Variants in SYT1 observed in about 807,000 individuals in gnomAD.
SYT1 encodes synaptotagmin 1.
A neutral mutation model predicts 44.8 loss-of-function variants in SYT1; 8 were observed. The ratio of observed to expected loss-of-function variants is 0.18; its 90% CI spans 0.10 to 0.32. SYT1 has a LOEUF of 0.32. SYT1 is among the 10% of genes least tolerant of loss of function. The pLI, the probability that SYT1 is intolerant of heterozygous loss-of-function variation, is 1.00. For missense variants in SYT1, 286 were observed against 509.3 expected (o/e 0.56, Z 4.22); for synonymous variants, 154 against 188.8 (o/e 0.82, Z 1.51).
At chr12:79,282,073 T>G (rs1014495364) in intron 4 of SYT1, among the ~76,000 whole-genome samples, 1 of 152,208 alleles carries the variant, frequency 6.6e-6, no homozygotes, top group Non-Finnish European at 1.5e-5. Flanking sequence ...TCTTGGACTC[T>G]GACATTTCTG....
chr12:78,865,384 C>A (rs973118164), intron 1 of SYT1, among the ~76,000 whole-genome samples: 1 of 152,110 alleles, frequency 6.6e-6, no homozygotes, highest in Non-Finnish European at 1.5e-5. Flanking sequence ...CTCTCTCCTC[C>A]GTCCCCCACC....
intron 1 of SYT1, among the ~76,000 whole-genome samples, chr12:78,912,566 T>C (rs1469993384): frequency 6.6e-6 from 1 of 151,910 alleles, no homozygotes; most frequent in Non-Finnish European, 1.5e-5. Flanking sequence ...TTAGGAAGTG[T>C]ATATAAATGA....
chr12:78,951,229 A>C (rs1196266700), intron 1 of SYT1, among the ~76,000 whole-genome samples: 1 of 152,134 alleles, frequency 6.6e-6, no homozygotes, highest in South Asian at 2.1e-4. Flanking sequence ...TTGAGTAAAA[A>C]GCGTTCTTTA....
intron 9 of SYT1, among the ~76,000 whole-genome samples, chr12:79,431,813 G>A (rs1431217566): frequency 6.6e-6 from 1 of 152,184 alleles, no homozygotes; most frequent in Non-Finnish European, 1.5e-5. Flanking sequence ...AAAGTGCTGG[G>A]ATTACAGGCA....
At chr12:78,941,428 C>G (rs1427785078) in intron 1 of SYT1, among the ~76,000 whole-genome samples, 1 of 143,584 alleles carries the variant, frequency 7.0e-6, no homozygotes, top group Non-Finnish European at 1.6e-5. Flanking sequence ...CACACACACA[C>G]ACACACATTA....
intron 3 of SYT1, among the ~76,000 whole-genome samples, chr12:79,117,907 G>C (rs1370199888): frequency 2.6e-5 from 4 of 151,362 alleles, no homozygotes; most frequent in African/African-American, 9.7e-5. Context: ...TCCAGGGTTA[G>C]AGCCTAAATG....
chr12:79,044,746 C>T (rs1419191175), intron 2 of SYT1, among the ~76,000 whole-genome samples: 2 of 148,952 alleles, frequency 1.3e-5, no homozygotes, highest in Admixed American at 1.3e-4. Flanking sequence ...GTTTTTTCCC[C>T]ATCTTTGTGG....
intron 4 of SYT1, among the ~76,000 whole-genome samples, chr12:79,281,154 C>T (rs550293412): frequency 2.0e-5 from 3 of 152,130 alleles, no homozygotes; most frequent in South Asian, 4.2e-4. Flanking sequence ...TAATGGATAT[C>T]TACCCAAAGA....
At chr12:78,973,941 ATATATATATATATATATATATATATATAT>A (rs1868617445) in intron 1 of SYT1, among the ~76,000 whole-genome samples, 3 of 10,746 alleles carry the variant, frequency 2.8e-4, no homozygotes, top group Admixed American at 1.7e-3. Context: ...AAAAAAAAAT[ATATATATATATATATATATATATATATAT>A]ATATATATAT....
At chr12:79,118,645 A>G (rs1460288645) in intron 3 of SYT1, among the ~76,000 whole-genome samples, 2 of 152,186 alleles carry the variant, frequency 1.3e-5, no homozygotes, top group Non-Finnish European at 2.9e-5. Context: ...CAATCATTGT[A>G]CATGTGTTAG....
intron 1 of SYT1, among the ~76,000 whole-genome samples, chr12:78,877,893 T>C (rs553817303): frequency 6.6e-6 from 1 of 151,876 alleles, no homozygotes; most frequent in South Asian, 2.1e-4. Flanking sequence ...CTTCTCAAGG[T>C]ACTAGGATTA....
intron 3 of SYT1, among the ~76,000 whole-genome samples, chr12:79,053,304 C>T (rs1049031170): frequency 6.6e-6 from 1 of 151,858 alleles, no homozygotes; most frequent in African/African-American, 2.4e-5. Context: ...GGGAATTGAA[C>T]AATGAGAACA....
At chr12:79,132,333 C>T (rs1463489424) in intron 3 of SYT1, among the ~76,000 whole-genome samples, 1 of 151,736 alleles carries the variant, frequency 6.6e-6, no homozygotes. Context: ...CCTGTCGTCC[C>T]AGCTACTCAG....
At chr12:79,179,037 TATAG>T (rs1872138649) in intron 3 of SYT1, among the ~76,000 whole-genome samples, 1 of 107,788 alleles carries the variant, frequency 9.3e-6, no homozygotes, top group Non-Finnish European at 1.8e-5. Flanking sequence ...GATATATAGA[TATAG>T]ATATAGATAT....
chr12:78,873,693 C>A (rs1592511778), intron 1 of SYT1, among the ~76,000 whole-genome samples: 1 of 151,688 alleles, frequency 6.6e-6, no homozygotes, highest in East Asian at 1.9e-4. Context: ...GATATTCATA[C>A]ACACCTTCTT....
At chr12:79,349,019 G>GA (rs1320773530) in intron 8 of SYT1, among the ~76,000 whole-genome samples, 11 of 112,376 alleles carry the variant, frequency 9.8e-5, no homozygotes, top group African/African-American at 3.5e-4. Context: ...AAGAAAGAAA[G>GA]AAAGAAAGAA....
intron 4 of SYT1, among the ~76,000 whole-genome samples, chr12:79,253,483 G>C (rs1383191655): frequency 1.8e-4 from 23 of 129,486 alleles, no homozygotes; most frequent in Middle Eastern, 3.7e-3. Context: ...CCATTGCCCA[G>C]TCTCTCTCTC....
intron 4 of SYT1, among the ~76,000 whole-genome samples, chr12:79,272,953 C>A (rs948618681): frequency 2.0e-5 from 3 of 152,052 alleles, no homozygotes; most frequent in Admixed American, 6.5e-5. Context: ...TTTGGAGAAT[C>A]CTGAGTACAA....
At chr12:79,244,599 G>A (rs909445753) in intron 4 of SYT1, among the ~76,000 whole-genome samples, 3 of 151,860 alleles carry the variant, frequency 2.0e-5, no homozygotes, top group African/African-American at 7.3e-5. Context: ...AGCTACTCAG[G>A]AGGCTGAGGC....
Sources: allele counts gnomAD v4.1 joint callset (sites outside exome capture counted in the v4.1 genomes callset), GRCh38; gene constraint gnomAD v4.1.1; transcripts MANE v1.5; gene names NCBI Gene and HGNC (gene_info 2026-07-23, HGNC 2026-07-21).